Variants in FNDC1 observed in about 807,000 individuals in gnomAD.
FNDC1 encodes the protein fibronectin type III domain containing 1, also known as fibronectin type III domain-containing protein 1.
In FNDC1, 96 loss-of-function variants were observed where a neutral mutation model predicts 168.0. The observed-to-expected ratio is 0.57, with a 90% CI of 0.48 to 0.68. The LOEUF (loss-of-function observed/expected upper bound fraction) is 0.68. Ranked by LOEUF, FNDC1 falls within the 30% of genes least tolerant of loss-of-function variation. The pLI is 0.00. For synonymous variants in FNDC1, 1,099 were observed against 1,025.9 expected, an observed-to-expected ratio of 1.07 and a Z score of -1.36; for missense variants, 2,587 against 2,482.1, an observed-to-expected ratio of 1.04 and a Z score of -0.90.
intron 4 of FNDC1, among the ~76,000 whole-genome samples, chr6:159,201,638 G>A (rs1211504526): frequency 2.0e-5 from 3 of 152,146 alleles, no homozygotes; most frequent in African/African-American, 7.2e-5. Flanking sequence ...AAGATCAGGA[G>A]GCCAGGAATC....
intron 1 of FNDC1, among the ~76,000 whole-genome samples, chr6:159,180,574 T>A (rs1382038318): frequency 1.3e-5 from 2 of 152,122 alleles, no homozygotes; most frequent in Non-Finnish European, 2.9e-5. Context: ...TGTCAACCCA[T>A]CACCTAGGTA....
intron 2 of FNDC1, among the ~76,000 whole-genome samples, chr6:159,198,772 C>T (rs944182987): frequency 1.3e-5 from 2 of 152,244 alleles, no homozygotes; most frequent in African/African-American, 4.8e-5. Context: ...GTATCAAACA[C>T]ATGTGGATTA....
intron 1 of FNDC1, among the ~76,000 whole-genome samples, chr6:159,186,947 C>T (rs1004104604): frequency 3.3e-5 from 5 of 152,186 alleles, no homozygotes; most frequent in Non-Finnish European, 5.9e-5. Context: ...AAAGTTTGGC[C>T]TTTTTGTCTG....
At chr6:159,246,550 C>T (rs1166816806) in intron 14 of FNDC1, among the ~76,000 whole-genome samples, 5 of 152,178 alleles carry the variant, frequency 3.3e-5, no homozygotes, top group African/African-American at 1.2e-4. Context: ...AGGGGCCTTC[C>T]CTCAGCATCA....
chr6:159,258,883 T>G (rs903569129), intron 18 of FNDC1, among the ~76,000 whole-genome samples: 6 of 152,224 alleles, frequency 3.9e-5, no homozygotes, highest in Admixed American at 3.9e-4. Flanking sequence ...GAAGCCAGCT[T>G]CTGAGTCAAT....
intron 22 of FNDC1, 94 bp downstream of exon 22, chr6:159,268,020 G>T: frequency 7.6e-7 from 1 of 1,323,036 alleles, no homozygotes; most frequent in Non-Finnish European, 1.0e-6. Flanking sequence ...CCTTTGCCTT[G>T]TCATTCGAAG....
intron 2 of FNDC1, among the ~76,000 whole-genome samples, chr6:159,198,544 T>C (rs1782301307): frequency 6.6e-6 from 1 of 151,492 alleles, no homozygotes; most frequent in East Asian, 1.9e-4. Context: ...TCCATTTCCC[T>C]TAATCTCTTC....
intron 21 of FNDC1, among the ~76,000 whole-genome samples, chr6:159,267,220 C>T (rs1777610629): frequency 6.6e-6 from 1 of 152,100 alleles, no homozygotes; most frequent in African/African-American, 2.4e-5. Context: ...GTCTGTCTCT[C>T]TCTCTCTCTC....
At chr6:159,250,225 A>G (rs1777226425) in intron 16 of FNDC1, among the ~76,000 whole-genome samples, 1 of 152,226 alleles carries the variant, frequency 6.6e-6, no homozygotes, top group African/African-American at 2.4e-5. Flanking sequence ...AGACCCATGG[A>G]CAAGTTCTAA....
intron 1 of FNDC1, among the ~76,000 whole-genome samples, chr6:159,181,406 G>T (rs1196084881): frequency 6.6e-6 from 1 of 152,184 alleles, no homozygotes; most frequent in East Asian, 1.9e-4. Context: ...GCCTGGCTAG[G>T]TCCTTCACTG....
In FNDC1 at chr6:159,214,994, T is replaced by C. The variant is rs1474818262; in HGVS notation, c.510T>C (p.Asp170=). The C allele has an allele frequency of 6.2e-7, 1 of 1,614,046 alleles. No homozygotes were observed. The highest frequency in any genetic ancestry group is 8.5e-7 in the Non-Finnish European group (1 of 1,179,898). The change falls in exon 5 of 23, where the codon GAT becomes GAC. Residue 170 remains aspartate, a synonymous_variant. Transcript: ENST00000297267. ...TGCGTGTGCGTGTCCGGTCCTCAGA[T>C]GACAGGCTGTCCGTTGCGTGGAAGG... ...KPLRVRVRSS[D]DRLSVAWKAP... is the part of the protein sequence containing the mutation.
intron 7 of FNDC1, among the ~76,000 whole-genome samples, chr6:159,224,373 A>G (rs1782907166): frequency 6.6e-6 from 1 of 152,218 alleles, no homozygotes; most frequent in Non-Finnish European, 1.5e-5. Flanking sequence ...AGTAACCAAG[A>G]GAAAGCCACA....
At chr6:159,225,255 C>T (rs1782926542) in intron 7 of FNDC1, among the ~76,000 whole-genome samples, 1 of 152,068 alleles carries the variant, frequency 6.6e-6, no homozygotes, top group Admixed American at 6.6e-5. Flanking sequence ...TAAAAGCTGT[C>T]TCCCTTCTCT....
At chr6:159,187,557 C>T (rs1036544280) in intron 1 of FNDC1, among the ~76,000 whole-genome samples, 42 of 152,136 alleles carry the variant, frequency 2.8e-4, no homozygotes, top group Non-Finnish European at 3.8e-4. Context: ...CCAGGGGGTT[C>T]TTTTCATACC....
chr6:159,194,020 A>T lies in FNDC1; in HGVS notation c.110-3411A>T, dbSNP rs530483572. On this transcript the variant is annotated intron_variant, in intron 1 of 22. Coordinates refer to ENST00000297267, the MANE Select transcript of FNDC1 (RefSeq NM_032532.3). ...TAAAGTTTACTGGTATGAACTGTGG[A>T]AGTGATTTTGCTGTGTTATGAAATC... 2.6e-5 allele frequency among the ~76,000 whole-genome samples: 4 copies of T among 152,274 alleles called. No individual in the cohort carries two copies. In the South Asian group the frequency reaches 6.2e-4, roughly 24 times the overall value.
At chr6:159,245,788 A>G (rs1267510659) in intron 14 of FNDC1, among the ~76,000 whole-genome samples, 1 of 2,476 alleles carries the variant, frequency 4.0e-4, no homozygotes, top group African/African-American at 1.1e-3. Context: ...TCACTCTGTC[A>G]CCCAGGCTGG....
At chr6:159,174,868 C>A (rs764830384) in intron 1 of FNDC1, among the ~76,000 whole-genome samples, 3 of 152,200 alleles carry the variant, frequency 2.0e-5, no homozygotes, top group Non-Finnish European at 4.4e-5. Context: ...CAGGAACTGC[C>A]TCCTTGGCCC....
rs73799727 is a variant in FNDC1 at position 159,249,022 on chromosome 6, C to G, written c.4691-17C>G. On this transcript the variant is annotated splice_polypyrimidine_tract_variant and intron_variant, in intron 15 of 22. Coordinates refer to ENST00000297267, the MANE Select transcript of FNDC1 (RefSeq NM_032532.3). ...TTTCTGGCAGTGCCCAATTACAGAG[C>G]CTTCATATCATTTCAGATTATGAAT... 9.8e-4 allele frequency: 1,552 copies of G among 1,584,948 alleles called. 12 individuals carry two copies. The African/African-American group carries it at 0.019, about 19-fold the overall frequency.
chr6:159,187,205 G>C (rs1185719634), intron 1 of FNDC1, among the ~76,000 whole-genome samples: 1 of 152,194 alleles, frequency 6.6e-6, no homozygotes, highest in Non-Finnish European at 1.5e-5. Context: ...GTAGAATCCA[G>C]TAAGTTAGAG....
Sources: allele counts gnomAD v4.1 joint callset (sites outside exome capture counted in the v4.1 genomes callset), GRCh38; gene constraint gnomAD v4.1.1; transcripts MANE v1.5; gene names NCBI Gene and HGNC (gene_info 2026-07-23, HGNC 2026-07-21).